Variants in HLCS observed in about 807,000 individuals in gnomAD.
HLCS encodes the protein biotin--protein ligase.
A neutral mutation model predicts 75.0 loss-of-function variants in HLCS; 53 were observed. The observed-to-expected ratio is 0.71, with a 90% CI of 0.57 to 0.89. HLCS has a LOEUF of 0.89. Among genes scored for constraint, HLCS ranks in the 40% least tolerant of loss-of-function variants. The pLI, the probability that HLCS is intolerant of heterozygous loss-of-function variation, is 0.00. For missense variants in HLCS, 966 were observed against 1,074.0 expected (o/e 0.90, Z 1.41); for synonymous variants, 431 against 428.6 (o/e 1.01, Z -0.07).
rs570302767 is a variant in HLCS, at chr21:36,882,139, G to A, written c.1892+14721C>T. Among the ~76,000 whole-genome samples, 41 of 151,680 alleles carry A rather than the reference G, an allele frequency of 2.7e-4. 1 individual carries two copies. In the South Asian group the frequency reaches 5.2e-3, roughly 19 times the overall value. On this transcript the variant is annotated intron_variant, in intron 6 of 10. Transcript: ENST00000674895. ...CTACTAAAAATACAAAAAATTAGCC[G>A]GGCGTGGTGGCAGGTGCCTGTAGTC...
intron 6 of HLCS, among the ~76,000 whole-genome samples, chr21:36,804,894 C>A (rs955180893): frequency 1.3e-5 from 2 of 152,204 alleles, no homozygotes; most frequent in Admixed American, 1.3e-4. Flanking sequence ...CCAATCCTGG[C>A]GTCCAATTCT....
At chr21:36,942,958 A>ACAAACGCC (rs2067218807) in intron 2 of HLCS, among the ~76,000 whole-genome samples, 1 of 152,044 alleles carries the variant, frequency 6.6e-6, no homozygotes, top group Non-Finnish European at 1.5e-5. Flanking sequence ...AAGAAAATAT[A>ACAAACGCC]CAAACGCCCA....
chr21:36,851,987 C>T (rs2063024013), intron 6 of HLCS: 1 of 152,282 alleles, frequency 6.6e-6, no homozygotes, highest in Non-Finnish European at 1.5e-5. Flanking sequence ...CTGGCTAGTA[C>T]TTGCATGGGA....
chr21:36,796,145 T>C (rs12481910), intron 6 of HLCS, among the ~76,000 whole-genome samples: 8,477 of 152,252 alleles, frequency 0.056, 344 homozygotes, highest in Non-Finnish European at 0.084. Context: ...AACCAGATAG[T>C]GGACAAGAAA....
intron 6 of HLCS, among the ~76,000 whole-genome samples, chr21:36,873,519 A>T (rs1348840474): frequency 6.6e-6 from 1 of 152,228 alleles, no homozygotes; most frequent in Non-Finnish European, 1.5e-5. Flanking sequence ...TTCTTTGTAT[A>T]TGTCAGATAC....
chr21:36,778,382 C>T (rs548104377), intron 6 of HLCS, among the ~76,000 whole-genome samples: 3 of 152,052 alleles, frequency 2.0e-5, no homozygotes, highest in East Asian at 1.9e-4. Flanking sequence ...TGGGTTCAGG[C>T]GATTCTCCTG....
chr21:36,817,839 C>A (rs2061708233), intron 6 of HLCS, among the ~76,000 whole-genome samples: 2 of 152,106 alleles, frequency 1.3e-5, no homozygotes, highest in Non-Finnish European at 2.9e-5. Flanking sequence ...TTAATTAGTC[C>A]AACGATCCTA....
At chr21:36,952,145 C>A (rs1406911862) in intron 2 of HLCS, among the ~76,000 whole-genome samples, 1 of 152,032 alleles carries the variant, frequency 6.6e-6, no homozygotes, top group Non-Finnish European at 1.5e-5. Context: ...CTATTTAATA[C>A]CTTAGGACCC....
intron 6 of HLCS, among the ~76,000 whole-genome samples, chr21:36,868,073 T>C (rs1161822596): frequency 6.6e-6 from 1 of 151,166 alleles, no homozygotes; most frequent in Non-Finnish European, 1.5e-5. Context: ...ATCGTTTGAA[T>C]GGGGAGGCAG....
chr21:36,792,550 C>T (rs553645191), intron 6 of HLCS, among the ~76,000 whole-genome samples: 2 of 152,180 alleles, frequency 1.3e-5, no homozygotes, highest in South Asian at 4.2e-4. Context: ...AATTGTGCTA[C>T]GTCAGTCCAG....
At chr21:36,860,914 G>A (rs1038378677) in intron 6 of HLCS, among the ~76,000 whole-genome samples, 6 of 152,152 alleles carry the variant, frequency 3.9e-5, no homozygotes, top group South Asian at 2.1e-4. Flanking sequence ...ATCAATTACC[G>A]TCCACCTGGG....
intron 6 of HLCS, among the ~76,000 whole-genome samples, chr21:36,850,941 G>A (rs1336749954): frequency 1.3e-5 from 2 of 152,180 alleles, no homozygotes; most frequent in Non-Finnish European, 2.9e-5. Context: ...CCTGCTGGAG[G>A]GGTGAGGCGA....
At chr21:36,756,231 G>GA (rs2089570768) in intron 10 of HLCS, among the ~76,000 whole-genome samples, 1 of 151,578 alleles carries the variant, frequency 6.6e-6, no homozygotes. Flanking sequence ...AAGGTCAGGA[G>GA]ATCGAGACCA....
intron 6 of HLCS, among the ~76,000 whole-genome samples, chr21:36,859,524 T>C (rs2063313800): frequency 6.6e-6 from 1 of 152,224 alleles, no homozygotes; most frequent in African/African-American, 2.4e-5. Context: ...GCAGGACAAC[T>C]GTAGTCTTGT....
chr21:36,756,898 G>A, intron 9 of HLCS, 143 bp from the exon 10 acceptor site: 5 of 1,522,162 alleles, frequency 3.3e-6, no homozygotes, highest in Non-Finnish European at 4.4e-6. Context: ...CTAACCACTT[G>A]AAGAGTGACA....
At chr21:36,763,643 T>C (rs575174435) in intron 8 of HLCS, among the ~76,000 whole-genome samples, 6 of 152,342 alleles carry the variant, frequency 3.9e-5, no homozygotes, top group African/African-American at 1.4e-4. Flanking sequence ...AACATCTTGC[T>C]TCAGGAATCA....
At chr21:36,809,839 A>G (rs751757383) in intron 6 of HLCS, among the ~76,000 whole-genome samples, 11 of 152,172 alleles carry the variant, frequency 7.2e-5, no homozygotes, top group Non-Finnish European at 1.6e-4. Flanking sequence ...CCTGGGCCCA[A>G]GCAATCCTCC....
chr21:36,893,291 C>T (rs568087476), intron 6 of HLCS, among the ~76,000 whole-genome samples: 13 of 152,184 alleles, frequency 8.5e-5, no homozygotes, highest in Admixed American at 6.5e-4. Flanking sequence ...AGGCTGGTCT[C>T]GAACTCCTGA....
At chr21:36,775,828 A>T (rs1462383880) in intron 6 of HLCS, among the ~76,000 whole-genome samples, 1 of 152,104 alleles carries the variant, frequency 6.6e-6, no homozygotes, top group African/African-American at 2.4e-5. Flanking sequence ...ATGGACACCG[A>T]CTCACGTGGA....
Sources: gnomAD v4.1 joint callset for allele counts (sites outside exome capture counted in the v4.1 genomes callset) on GRCh38, gnomAD v4.1.1 for gene constraint, MANE v1.5 for transcripts, NCBI Gene and HGNC (gene_info 2026-07-23, HGNC 2026-07-21) for gene names.